Variants in SRBD1 observed in about 807,000 individuals in gnomAD.
SRBD1 encodes S1 RNA-binding domain-containing protein 1.
SRBD1 carries 88 observed loss-of-function variants against 115.3 expected under a neutral mutation model. The ratio of observed to expected loss-of-function variants is 0.76; its 90% CI spans 0.64 to 0.91. SRBD1 has a LOEUF of 0.91. Among genes scored for constraint, SRBD1 ranks in the 40% least tolerant of loss-of-function variants. The pLI, the probability that SRBD1 is intolerant of heterozygous loss-of-function variation, is 0.00. For missense variants in SRBD1, 1,385 were observed against 1,177.4 expected (o/e 1.18, Z -2.58); for synonymous variants, 509 against 407.7 (o/e 1.25, Z -2.99).
rs1261390408 is a variant in SRBD1, at chr2:45,440,199, A to T, written c.2050-20305T>A. 2.0e-5 allele frequency among the ~76,000 whole-genome samples: 3 copies of T among 152,184 alleles called. No individual in the cohort carries two copies. In the East Asian group the frequency reaches 5.8e-4, roughly 29 times the overall value. ...AGTTTCTGGTGATGATTAAAATTTAAACAAAATATATAACTTCTTTATGAA... is the reference window on the plus strand; with the variant it reads ...AGTTTCTGGTGATGATTAAAATTTATACAAAATATATAACTTCTTTATGAA... On this transcript the variant is annotated intron_variant, in intron 16 of 20. Transcript: ENST00000263736.
intron 16 of SRBD1, among the ~76,000 whole-genome samples, chr2:45,421,510 C>CAAAAAAAAAAAAAAA (rs869298079): frequency 4.5e-5 from 1 of 22,290 alleles, no homozygotes; most frequent in East Asian, 8.2e-4. Context: ...CCGTCTCAAA[C>CAAAAAAAAAAAAAAA]AAAAAAAAAA....
intron 4 of SRBD1, among the ~76,000 whole-genome samples, chr2:45,590,144 T>C (rs997593594): frequency 4.6e-5 from 7 of 152,226 alleles, no homozygotes; most frequent in African/African-American, 1.4e-4. Context: ...TGCTGAAATA[T>C]ATAAAACTGC....
chr2:45,585,805 A>G, intron 4 of SRBD1, 31 bp from the exon 5 acceptor site: 1 of 1,533,828 alleles, frequency 6.5e-7, no homozygotes, highest in Non-Finnish European at 8.8e-7. Context: ...GTGATTTAAA[A>G]TGCTGAAAAT....
chr2:45,438,138 G>A (rs912185155), intron 16 of SRBD1, among the ~76,000 whole-genome samples: 2 of 152,106 alleles, frequency 1.3e-5, no homozygotes, highest in Admixed American at 6.5e-5. Flanking sequence ...GTAACTCTCT[G>A]TAGTTTTTGC....
rs1674032984 is a variant in SRBD1 at position 45,599,765 on chromosome 2, A to T, written c.332T>A (p.Leu111Gln). Reference protein sequence around the residue: ...RKNKLDTVQTLKTAKTKQKCA... With the variant: ...RKNKLDTVQTQKTAKTKQKCA... ...TTTCTGTTTTGTCTTGGCTGTTTTCAGAGTCTGTACAGTATCCAATTTATT... is the reference window on the plus strand; with the variant it reads ...TTTCTGTTTTGTCTTGGCTGTTTTCTGAGTCTGTACAGTATCCAATTTATT... The change falls in exon 4 of 21, where the codon CTG (leucine) becomes CAG (glutamine). Residue 111 changes from leucine (L) to glutamine (Q), a missense_variant. Transcript: ENST00000263736. The T allele has an allele frequency of 6.2e-7, 1 of 1,614,170 alleles. No individual in the cohort carries two copies. The highest frequency in any genetic ancestry group is 8.5e-7 in the Non-Finnish European group (1 of 1,180,028).
At chr2:45,428,887 G>T (rs761939302) in intron 16 of SRBD1, among the ~76,000 whole-genome samples, 28 of 152,024 alleles carry the variant, frequency 1.8e-4, no homozygotes, top group Non-Finnish European at 3.7e-4. Flanking sequence ...TTTCTGAAAA[G>T]ATTAACAAAA....
chr2:45,577,287 G>A lies in SRBD1; in HGVS notation c.1073-2564C>T, dbSNP rs181183136. ...GAAAAAGCTCCTTTCCCAATCAAAG[G>A]GAATAGATCTTGTGGGTTTAATACA... On this transcript the variant is annotated intron_variant, in intron 7 of 20. Transcript: ENST00000263736. 2.0e-5 allele frequency among the ~76,000 whole-genome samples: 3 copies of A among 152,280 alleles called. No homozygotes were observed. The East Asian group carries it at 5.8e-4, about 29-fold the overall frequency.
intron 18 of SRBD1, among the ~76,000 whole-genome samples, chr2:45,414,287 T>G (rs1667694539): frequency 6.6e-6 from 1 of 152,152 alleles, no homozygotes; most frequent in Non-Finnish European, 1.5e-5. Flanking sequence ...AAGGATTAAT[T>G]CTAGCAAAAA....
In SRBD1 at chr2:45,599,304, A is replaced by G. The variant is rs1572826102; in HGVS notation, c.648+145T>C. The G allele has an allele frequency of 2.7e-6, 3 of 1,121,688 alleles. No homozygotes were observed. In the East Asian group the frequency reaches 7.4e-5, roughly 28 times the overall value. 69.5% of individuals were successfully genotyped at this position (1,121,688 alleles called of 1,614,324 possible). A position where few individuals can be genotyped will look rare whatever the true frequency, so the allele number is the denominator to read the frequency against. The stretch of plus-strand genomic sequence containing the variant: ...AAAACAGTGTACCCAAGAAAGTTAC[A>G]AGTAGGAAAGCCTCCAGAAATCACT... On this transcript the variant is annotated intron_variant, in intron 4 of 20. Transcript: ENST00000263736.
At chr2:45,477,307 G>A (rs1163663112) in intron 15 of SRBD1, among the ~76,000 whole-genome samples, 1 of 152,052 alleles carries the variant, frequency 6.6e-6, no homozygotes. Flanking sequence ...TGAACACAAA[G>A]TAGTTTGACA....
intron 7 of SRBD1, among the ~76,000 whole-genome samples, chr2:45,575,952 C>A (rs966390709): frequency 6.6e-6 from 1 of 152,192 alleles, no homozygotes; most frequent in South Asian, 2.1e-4. Context: ...GATCTGCCCC[C>A]CTCAGCCTCC....
intron 16 of SRBD1, among the ~76,000 whole-genome samples, chr2:45,458,355 AG>A (rs1450402483): frequency 1.3e-5 from 2 of 152,128 alleles, no homozygotes; most frequent in Non-Finnish European, 2.9e-5. Context: ...CCTAAAACAC[AG>A]GATTACCTTT....
intron 14 of SRBD1, among the ~76,000 whole-genome samples, chr2:45,511,864 C>A (rs1211270985): frequency 2.0e-5 from 3 of 152,194 alleles, no homozygotes; most frequent in Non-Finnish European, 4.4e-5. Flanking sequence ...CTCATCAAGA[C>A]TGCTAGAATC....
chr2:45,520,112 T>G (rs73927520), intron 14 of SRBD1, among the ~76,000 whole-genome samples: 1,827 of 152,322 alleles, frequency 0.012, 34 homozygotes, highest in African/African-American at 0.034. Context: ...CAGGCAATTA[T>G]AATACTACTT....
chr2:45,452,102 C>T (rs946884675), intron 16 of SRBD1, among the ~76,000 whole-genome samples: 1 of 151,902 alleles, frequency 6.6e-6, no homozygotes, highest in Non-Finnish European at 1.5e-5. Context: ...CAAATAAATG[C>T]TACAAACTGT....
At chr2:45,416,217 T>A (rs1175822956) in intron 18 of SRBD1, among the ~76,000 whole-genome samples, 1 of 152,072 alleles carries the variant, frequency 6.6e-6, no homozygotes, top group African/African-American at 2.4e-5. Context: ...AATCTAGCTA[T>A]GTGTTTCTAA....
intron 16 of SRBD1, among the ~76,000 whole-genome samples, chr2:45,431,335 C>T (rs1418287167): frequency 6.6e-6 from 1 of 152,150 alleles, no homozygotes; most frequent in Non-Finnish European, 1.5e-5. Flanking sequence ...GACACATGCA[C>T]ACGTATGTTT....
intron 4 of SRBD1, among the ~76,000 whole-genome samples, chr2:45,595,890 C>T (rs1422175437): frequency 1.3e-5 from 2 of 152,154 alleles, no homozygotes; most frequent in African/African-American, 4.8e-5. Context: ...CATCAGATTG[C>T]TCAGCAAAGG....
intron 18 of SRBD1, among the ~76,000 whole-genome samples, chr2:45,414,542 C>CTGTCT (rs1558562858): frequency 5.8e-4 from 86 of 149,454 alleles, no homozygotes; most frequent in African/African-American, 1.8e-3. Flanking sequence ...TGTGTACACA[C>CTGTCT]ATAGTGTCTG....
Sources: allele counts gnomAD v4.1 joint callset (sites outside exome capture counted in the v4.1 genomes callset), GRCh38; gene constraint gnomAD v4.1.1; transcripts MANE v1.5; gene names NCBI Gene and HGNC (gene_info 2026-07-23, HGNC 2026-07-21).